The following IL1RAPL2 variants were observed in gnomAD, a reference collection of about 807,000 sequenced individuals.
The protein encoded by IL1RAPL2 is X-linked interleukin-1 receptor accessory protein-like 2.
Under a neutral mutation model 44.1 loss-of-function variants are expected in IL1RAPL2, and 3 were observed. The observed-to-expected ratio is 0.07, with a 90% CI of 0.03 to 0.18. The LOEUF (loss-of-function observed/expected upper bound fraction) is 0.18, where lower values mean the gene tolerates loss of function less well. Among genes scored for constraint, IL1RAPL2 ranks in the 10% least tolerant of loss-of-function variants. The probability of loss-of-function intolerance (pLI) is 1.00; values close to 1 mark genes in which losing one functional copy is unlikely to be tolerated. For synonymous variants in IL1RAPL2, 181 were observed against 178.8 expected, an observed-to-expected ratio of 1.01 and a Z score of -0.10; for missense variants, 391 against 496.4, an observed-to-expected ratio of 0.79 and a Z score of 2.02.
At chrX:104,689,539 A>T (rs187472639) in intron 2 of IL1RAPL2, among the ~76,000 whole-genome samples, 13 of 111,772 alleles carry the variant, frequency 1.2e-4, no homozygotes, top group African/African-American at 3.9e-4. Flanking sequence ...TGTAGACAAA[A>T]GGAATTCTCT....
At chrX:104,889,162 A>T (rs1923345251) in intron 2 of IL1RAPL2, among the ~76,000 whole-genome samples, 1 of 110,437 alleles carries the variant, frequency 9.1e-6, no homozygotes, top group Admixed American at 9.7e-5. Context: ...TACTTAACAA[A>T]CAGTCCAGGT....
intron 2 of IL1RAPL2, among the ~76,000 whole-genome samples, chrX:104,759,871 G>A (rs1313026842): frequency 9.0e-6 from 1 of 111,260 alleles, no homozygotes; most frequent in African/African-American, 3.3e-5. Context: ...TAATACTGTT[G>A]TGCTATCAAA....
chrX:105,074,412 G>C (rs1269483934), intron 2 of IL1RAPL2, among the ~76,000 whole-genome samples: 1 of 111,305 alleles, frequency 9.0e-6, no homozygotes, highest in Non-Finnish European at 1.9e-5. Flanking sequence ...TCTCTGTTTT[G>C]GTACCAGTAC....
At chrX:105,219,522 C>A (rs1030414025) in intron 3 of IL1RAPL2, 2 of 1,209,606 alleles carry the variant, frequency 1.7e-6, no homozygotes, top group Non-Finnish European at 2.2e-6. Context: ...CGTGGGGGAA[C>A]TGGGTCTCCA....
chrX:105,714,607 GAC>G (rs1258810176), intron 6 of IL1RAPL2, among the ~76,000 whole-genome samples: 1 of 111,744 alleles, frequency 8.9e-6, no homozygotes, highest in Non-Finnish European at 1.9e-5. Context: ...ACACATATGA[GAC>G]AGAGAGAGGA....
intron 2 of IL1RAPL2, among the ~76,000 whole-genome samples, chrX:105,162,211 A>G (rs762387077): frequency 1.8e-5 from 2 of 112,124 alleles, no homozygotes; most frequent in Middle Eastern, 4.6e-3. Context: ...AGTTTCCTAT[A>G]TAAGTTGTAA....
intron 2 of IL1RAPL2, among the ~76,000 whole-genome samples, chrX:104,774,189 G>A (rs1932684216): frequency 8.9e-6 from 1 of 111,891 alleles, no homozygotes; most frequent in South Asian, 3.7e-4. Context: ...AATGAAGTGG[G>A]AGATTATTCC....
chrX:105,435,809 G>A (rs1203910952), intron 5 of IL1RAPL2, among the ~76,000 whole-genome samples: 1 of 111,211 alleles, frequency 9.0e-6, no homozygotes, highest in Non-Finnish European at 1.9e-5. Flanking sequence ...ACCAAACACT[G>A]CATGTTCTCA....
chrX:104,849,485 G>C, intron 2 of IL1RAPL2, among the ~76,000 whole-genome samples: 1 of 107,019 alleles, frequency 9.3e-6, no homozygotes, highest in South Asian at 4.0e-4. Flanking sequence ...CATTTTTATA[G>C]CCTGTGAATA....
At chrX:105,554,590 C>T (rs1052669064) in intron 6 of IL1RAPL2, among the ~76,000 whole-genome samples, 1 of 110,793 alleles carries the variant, frequency 9.0e-6, no homozygotes, top group East Asian at 2.8e-4. Context: ...TTCCACGGGT[C>T]GCTGATAATC....
intron 6 of IL1RAPL2, among the ~76,000 whole-genome samples, chrX:105,590,073 C>A (rs1015220899): frequency 9.0e-6 from 1 of 111,276 alleles, no homozygotes; most frequent in Non-Finnish European, 1.9e-5. Context: ...TTATAATTCT[C>A]ATTGTAGATA....
At chrX:105,473,743 A>G (rs1432771372) in intron 5 of IL1RAPL2, among the ~76,000 whole-genome samples, 1 of 111,957 alleles carries the variant, frequency 8.9e-6, no homozygotes, top group East Asian at 2.8e-4. Flanking sequence ...TACCTGCCCA[A>G]TCTAGTCAAA....
intron 5 of IL1RAPL2, among the ~76,000 whole-genome samples, chrX:105,392,836 A>G (rs1379988399): frequency 8.9e-6 from 1 of 112,581 alleles, no homozygotes; most frequent in Non-Finnish European, 1.9e-5. Flanking sequence ...TGACTTTGAT[A>G]CAAACATTCA....
In IL1RAPL2 at chrX:105,695,985, AAT is replaced by A. The variant is rs747728731; in HGVS notation, c.773-21380_773-21379del. On this transcript the variant is annotated intron_variant, in intron 6 of 10. Transcript: ENST00000372582. ...CAGGAGGACAGTTAGAGGACTGGGA[AAT>A]AGATTCCCACTTAACTGTGACTTCT... Among the ~76,000 whole-genome samples, 26 of 112,153 alleles carry A rather than the reference AAT, an allele frequency of 2.3e-4. No homozygotes were observed. The East Asian group carries it at 6.0e-3, about 26-fold the overall frequency.
chrX:105,527,327 G>A (rs2036601089), intron 6 of IL1RAPL2, among the ~76,000 whole-genome samples: 1 of 111,012 alleles, frequency 9.0e-6, no homozygotes, highest in Non-Finnish European at 1.9e-5. Flanking sequence ...ATGTGAATCA[G>A]TGTCTCTACC....
chrX:105,323,463 G>A (rs750373361), intron 5 of IL1RAPL2, among the ~76,000 whole-genome samples: 6 of 111,750 alleles, frequency 5.4e-5, no homozygotes, highest in South Asian at 3.7e-4. Flanking sequence ...AGTGCTGTGC[G>A]CATTATATTC....
chrX:104,587,753 G>A (rs1017030644), intron 1 of IL1RAPL2, among the ~76,000 whole-genome samples: 2 of 111,821 alleles, frequency 1.8e-5, no homozygotes, highest in East Asian at 5.6e-4. Flanking sequence ...CTGAACAAAG[G>A]CATGTAGTTG....
intron 2 of IL1RAPL2, among the ~76,000 whole-genome samples, chrX:104,768,741 A>G (rs779447479): frequency 4.5e-5 from 5 of 111,598 alleles, no homozygotes; most frequent in Non-Finnish European, 9.4e-5. Context: ...AGAAGCTGCA[A>G]GTTTCTAGCT....
At chrX:104,803,043 C>A (rs1299244478) in intron 2 of IL1RAPL2, among the ~76,000 whole-genome samples, 1 of 111,824 alleles carries the variant, frequency 8.9e-6, no homozygotes, top group South Asian at 3.8e-4. Context: ...GAATTATTTA[C>A]AAACACTTGG....
Sources: allele counts gnomAD v4.1 joint callset (sites outside exome capture counted in the v4.1 genomes callset), GRCh38; gene constraint gnomAD v4.1.1; transcripts MANE v1.5; gene names NCBI Gene and HGNC (gene_info 2026-07-23, HGNC 2026-07-21).